The following CSMD1 variants were observed in gnomAD, a reference collection of about 807,000 sequenced individuals.
The protein encoded by CSMD1 is CUB and Sushi multiple domains 1.
Under a neutral mutation model 417.5 loss-of-function variants are expected in CSMD1, and 213 were observed. The ratio of observed to expected loss-of-function variants is 0.51; its 90% CI spans 0.46 to 0.57. The LOEUF (loss-of-function observed/expected upper bound fraction) is 0.57, where lower values mean the gene tolerates loss of function less well. Among genes scored for constraint, CSMD1 ranks in the 20% least tolerant of loss-of-function variants. The pLI, the probability that CSMD1 is intolerant of heterozygous loss-of-function variation, is 0.00. For synonymous variants in CSMD1, 2,862 were observed against 1,736.8 expected (o/e 1.65, Z -16.11); for missense variants, 6,923 against 4,529.7 (o/e 1.53, Z -15.17).
chr8:3,733,365 T>C (rs1208952502), intron 6 of CSMD1, among the ~76,000 whole-genome samples: 2 of 147,904 alleles, frequency 1.4e-5, no homozygotes, highest in African/African-American at 2.5e-5. Context: ...ATATAATATA[T>C]ATATAAAATA....
chr8:4,043,685 A>T (rs1798006841), intron 3 of CSMD1, among the ~76,000 whole-genome samples: 1 of 152,192 alleles, frequency 6.6e-6, no homozygotes, highest in Admixed American at 6.5e-5. Context: ...CATTTATTTC[A>T]GTGTTCTGAA....
chr8:4,309,611 A>T (rs73191951), intron 3 of CSMD1, among the ~76,000 whole-genome samples: 95,470 of 151,218 alleles, frequency 0.63, 31,067 homozygotes, highest in East Asian at 0.86. Flanking sequence ...CTCCCATTTT[A>T]GTACAACTCC....
chr8:4,017,815 C>A (rs1219754806), intron 4 of CSMD1, among the ~76,000 whole-genome samples: 1 of 152,138 alleles, frequency 6.6e-6, no homozygotes, highest in Non-Finnish European at 1.5e-5. Flanking sequence ...GATAACATTT[C>A]TGGAGATCTC....
chr8:3,381,582 T>C (rs1810628566), intron 18 of CSMD1, among the ~76,000 whole-genome samples: 1 of 152,168 alleles, frequency 6.6e-6, no homozygotes, highest in Admixed American at 6.5e-5. Context: ...ATGACAAATA[T>C]TTGCATCGTC....
chr8:4,564,548 C>T (rs1035370763), intron 2 of CSMD1, among the ~76,000 whole-genome samples: 29 of 152,086 alleles, frequency 1.9e-4, no homozygotes, highest in Non-Finnish European at 3.8e-4. Flanking sequence ...AGAAGCATTC[C>T]AAATTTTATA....
At chr8:4,743,200 C>T (rs943692113) in intron 1 of CSMD1, among the ~76,000 whole-genome samples, 1 of 152,086 alleles carries the variant, frequency 6.6e-6, no homozygotes, top group Non-Finnish European at 1.5e-5. Flanking sequence ...AATAGCCAAA[C>T]TTTTGATAGA....
At chr8:3,013,264 C>T (rs1384999230) in intron 52 of CSMD1, among the ~76,000 whole-genome samples, 1 of 152,042 alleles carries the variant, frequency 6.6e-6, no homozygotes, top group Admixed American at 6.6e-5. Flanking sequence ...TCTTTTTTCC[C>T]ACCCACATGT....
chr8:3,996,467 C>G (rs574635519), intron 5 of CSMD1, among the ~76,000 whole-genome samples: 2 of 151,702 alleles, frequency 1.3e-5, no homozygotes, highest in Admixed American at 6.6e-5. Context: ...CACAGCCTCT[C>G]TTTTTACAAA....
At chr8:3,450,827 C>T (rs1815657756) in intron 12 of CSMD1, among the ~76,000 whole-genome samples, 1 of 151,782 alleles carries the variant, frequency 6.6e-6, no homozygotes, top group African/African-American at 2.4e-5. Flanking sequence ...TGGGTATATA[C>T]CCAGTAATGG....
At chr8:2,986,568 G>A (rs773177592) in intron 54 of CSMD1, among the ~76,000 whole-genome samples, 7 of 151,996 alleles carry the variant, frequency 4.6e-5, no homozygotes, top group Admixed American at 2.6e-4. Context: ...GCAATGGCGC[G>A]ATCTCAGCTC....
Position 4,139,608 on chromosome 8 carries a change from G to A in CSMD1, c.416-107509C>T, listed in dbSNP as rs1053730574. On this transcript the variant is annotated intron_variant, in intron 3 of 69. Coordinates refer to ENST00000635120, the MANE Select transcript of CSMD1 (RefSeq NM_033225.6). ...ACTGAGTGGGCATCAAGGGGACAAG[G>A]AGCAGAGGAAGGGCATTTGGAATAG... 2.0e-5 allele frequency among the ~76,000 whole-genome samples: 3 copies of A among 151,184 alleles called. 1 individual carries two copies. The highest frequency in any genetic ancestry group is 7.4e-5 in the African/African-American group (3 of 40,508).
At chr8:4,845,769 A>G (rs1303506643) in intron 1 of CSMD1, among the ~76,000 whole-genome samples, 3 of 152,232 alleles carry the variant, frequency 2.0e-5, no homozygotes, top group African/African-American at 4.8e-5. Flanking sequence ...CTCAAGAATC[A>G]CGTGAGTAGT....
chr8:4,589,279 C>G (rs887480220), intron 2 of CSMD1, among the ~76,000 whole-genome samples: 17 of 152,140 alleles, frequency 1.1e-4, no homozygotes, highest in African/African-American at 4.1e-4. Flanking sequence ...TGTTTTGCCT[C>G]TGCATATATT....
intron 46 of CSMD1, among the ~76,000 whole-genome samples, chr8:3,102,834 C>T (rs374705461): frequency 2.6e-5 from 4 of 152,162 alleles, no homozygotes; most frequent in Non-Finnish European, 5.9e-5. Context: ...AAGAGTTTTC[C>T]CTAGGCTTCT....
intron 36 of CSMD1, 43 bp from the exon 37 acceptor site, chr8:3,181,257 A>G: frequency 7.7e-7 from 1 of 1,298,740 alleles, no homozygotes; most frequent in Non-Finnish European, 1.1e-6. Flanking sequence ...CTACAAATAC[A>G]TTCACTTTTC....
At chr8:3,240,834 G>A (rs570426302) in intron 26 of CSMD1, among the ~76,000 whole-genome samples, 12 of 152,256 alleles carry the variant, frequency 7.9e-5, no homozygotes, top group African/African-American at 2.9e-4. Flanking sequence ...TGTAAGGCTT[G>A]TCTGGTTCTA....
chr8:4,822,248 C>T (rs1799565313), intron 1 of CSMD1, among the ~76,000 whole-genome samples: 1 of 152,090 alleles, frequency 6.6e-6, no homozygotes, highest in African/African-American at 2.4e-5. Flanking sequence ...GTACCACTTG[C>T]TAACTAGAGG....
intron 26 of CSMD1, among the ~76,000 whole-genome samples, chr8:3,263,244 G>A (rs1257655864): frequency 1.1e-4 from 16 of 152,288 alleles, no homozygotes; most frequent in Admixed American, 9.1e-4. Flanking sequence ...GATTACAGGT[G>A]TGTGCCACCA....
intron 10 of CSMD1, among the ~76,000 whole-genome samples, chr8:3,529,624 G>C (rs749421839): frequency 6.6e-6 from 1 of 152,186 alleles, no homozygotes; most frequent in Non-Finnish European, 1.5e-5. Context: ...TTCGTGATTT[G>C]TCAAAAGTAT....
Sources: gnomAD v4.1 joint callset for allele counts (sites outside exome capture counted in the v4.1 genomes callset) on GRCh38, gnomAD v4.1.1 for gene constraint, MANE v1.5 for transcripts, NCBI Gene and HGNC (gene_info 2026-07-23, HGNC 2026-07-21) for gene names.